The following PDZD2 variants were observed in gnomAD, a reference collection of about 807,000 sequenced individuals.
The protein encoded by PDZD2 is PDZ domain-containing protein 2.
Under a neutral mutation model 220.7 loss-of-function variants are expected in PDZD2, and 90 were observed. The ratio of observed to expected loss-of-function variants is 0.41; its 90% CI spans 0.34 to 0.49. The LOEUF (loss-of-function observed/expected upper bound fraction) is 0.49, where lower values mean the gene tolerates loss of function less well. PDZD2 is among the 20% of genes least tolerant of loss of function. The pLI, the probability that PDZD2 is intolerant of heterozygous loss-of-function variation, is 0.28. For missense variants in PDZD2, 3,174 were observed against 3,608.5 expected (o/e 0.88, Z 3.08); for synonymous variants, 1,375 against 1,450.5 (o/e 0.95, Z 1.18).
At chr5:31,744,757 T>G (rs969118341) in intron 1 of PDZD2, among the ~76,000 whole-genome samples, 3 of 152,164 alleles carry the variant, frequency 2.0e-5, no homozygotes, top group African/African-American at 7.2e-5. Context: ...CTAAAAAGAA[T>G]TTTCCCTCTG....
intron 2 of PDZD2, among the ~76,000 whole-genome samples, chr5:31,924,400 T>C (rs1386167787): frequency 6.6e-6 from 1 of 152,190 alleles, no homozygotes; most frequent in African/African-American, 2.4e-5. Flanking sequence ...GGGGAGAAGC[T>C]TGGAACTTGG....
chr5:31,875,083 G>A (rs7734811), intron 2 of PDZD2, among the ~76,000 whole-genome samples: 1 of 152,034 alleles, frequency 6.6e-6, no homozygotes, highest in African/African-American at 2.4e-5. Context: ...TTTTTATGCT[G>A]CTTATTTTTT....
chr5:32,021,407 A>G (rs62360023), intron 6 of PDZD2, among the ~76,000 whole-genome samples: 112,715 of 151,860 alleles, frequency 0.74, 42,582 homozygotes, highest in Non-Finnish European at 0.82. Context: ...AGCAATTCTC[A>G]TGCCTCAGCC....
rs143340688 is a variant in PDZD2, at chr5:32,016,565, G to T, written c.1407+6083G>T. ...ATGGAGCTCTGCATCTATGGGGAGCGCATGTTCTTCCCCTGAGGCCTTGAG... is the reference window on the plus strand; with the variant it reads ...ATGGAGCTCTGCATCTATGGGGAGCTCATGTTCTTCCCCTGAGGCCTTGAG... On this transcript the variant is annotated intron_variant, in intron 6 of 24. Transcript: ENST00000438447. 3.3e-4 allele frequency among the ~76,000 whole-genome samples: 50 copies of T among 152,152 alleles called. 1 individual carries two copies. The highest frequency in any genetic ancestry group is 2.0e-3 in the Admixed American group (30 of 15,282).
At chr5:31,764,324 A>T (rs192180506) in intron 1 of PDZD2, among the ~76,000 whole-genome samples, 1 of 152,280 alleles carries the variant, frequency 6.6e-6, no homozygotes, top group East Asian at 1.9e-4. Context: ...TTCGTCCTTC[A>T]CGCCCCTTCA....
chr5:32,106,407 T>A (rs768601924), intron 24 of PDZD2: 1 of 152,318 alleles, frequency 6.6e-6, no homozygotes, highest in African/African-American at 2.4e-5. Context: ...TCACCTGCTG[T>A]GCAGCCCTCC....
At chr5:31,643,930 C>T (rs1341177227) in intron 1 of PDZD2, among the ~76,000 whole-genome samples, 1 of 152,048 alleles carries the variant, frequency 6.6e-6, no homozygotes, top group Non-Finnish European at 1.5e-5. Flanking sequence ...GTGATCCTTC[C>T]ACCTCAGCCT....
At chr5:31,648,953 CATTAT>C (rs879678305) in intron 1 of PDZD2, among the ~76,000 whole-genome samples, 4 of 152,122 alleles carry the variant, frequency 2.6e-5, no homozygotes, top group Admixed American at 1.3e-4. Flanking sequence ...ATGTATCCAC[CATTAT>C]ATTATATGAG....
At chr5:31,690,004 C>T (rs774281184) in intron 1 of PDZD2, among the ~76,000 whole-genome samples, 11 of 152,190 alleles carry the variant, frequency 7.2e-5, no homozygotes, top group African/African-American at 1.2e-4. Flanking sequence ...TCATTTGAAA[C>T]GGCGTGTCCT....
intron 2 of PDZD2, among the ~76,000 whole-genome samples, chr5:31,947,597 A>G (rs1429152362): frequency 6.6e-6 from 1 of 152,212 alleles, no homozygotes; most frequent in Non-Finnish European, 1.5e-5. Context: ...CAGTTTGGGA[A>G]GCTGAAGCAG....
intron 6 of PDZD2, among the ~76,000 whole-genome samples, chr5:32,024,363 G>A (rs1018499383): frequency 4.6e-5 from 7 of 152,156 alleles, no homozygotes; most frequent in Admixed American, 6.5e-5. Context: ...TAGATTTGTG[G>A]GTGGAAGACG....
chr5:31,758,076 C>G (rs1241271809), intron 1 of PDZD2, among the ~76,000 whole-genome samples: 1 of 152,264 alleles, frequency 6.6e-6, no homozygotes, highest in Non-Finnish European at 1.5e-5. Context: ...TTGTACGTCT[C>G]GCCTGACAGG....
At chr5:31,885,930 TTA>T (rs200858189) in intron 2 of PDZD2, among the ~76,000 whole-genome samples, 11,675 of 151,988 alleles carry the variant, frequency 0.077, 547 homozygotes, top group African/African-American at 0.12. Context: ...GTTTTTTTTT[TTA>T]AAATAATTTC....
At chr5:31,764,494 T>G (rs1467414082) in intron 1 of PDZD2, among the ~76,000 whole-genome samples, 1 of 152,206 alleles carries the variant, frequency 6.6e-6, no homozygotes, top group African/African-American at 2.4e-5. Flanking sequence ...CCTGCCCTCC[T>G]GTACACATTA....
In PDZD2 at chr5:32,107,969, G is replaced by T; in HGVS notation, c.8354G>T (p.Gly2785Val). The stretch of plus-strand genomic sequence containing the variant: ...AATTATTCTGTGTTTATTCTCGTAG[G>T]TGGTGCGGCTGAACAAGCTGGAATA... ...GPLVIKRVYK[G>V]GAAEQAGIIE... Residue 2785 changes from glycine to valine, a missense_variant and splice_region_variant, in exon 25 of 25, where the codon GGT becomes GTT. Gly to Val is a moderately radical substitution (Grantham distance 109). Around this residue, in one of 4 missense-constraint regions of PDZD2, gnomAD observed 631 missense variants for 789.9 expected, o/e 0.80. Coordinates refer to ENST00000438447, the MANE Select transcript of PDZD2 (RefSeq NM_178140.4). The T allele has an allele frequency of 6.8e-6, 11 of 1,610,422 alleles. No individual in the cohort carries two copies. The highest frequency in any genetic ancestry group is 1.3e-5 in the African/African-American group (1 of 74,962).
chr5:31,766,463 C>T (rs1050829864), intron 1 of PDZD2, among the ~76,000 whole-genome samples: 2 of 152,060 alleles, frequency 1.3e-5, no homozygotes, highest in Admixed American at 1.3e-4. Context: ...CTCACTACAA[C>T]CTTGACCTCT....
chr5:31,893,237 G>A (rs1443355585), intron 2 of PDZD2, among the ~76,000 whole-genome samples: 6 of 152,048 alleles, frequency 3.9e-5, no homozygotes, highest in South Asian at 2.1e-4. Flanking sequence ...CTGTCCCCAC[G>A]TTACTGCTTA....
chr5:31,799,417 G>A lies in PDZD2; in HGVS notation c.169G>A (p.Val57Ile), dbSNP rs1204456575. 1.1e-5 allele frequency: 18 copies of A among 1,614,104 alleles called. No individual in the cohort carries two copies. Among genetic ancestry groups the A allele is most frequent in the Middle Eastern group, 1.6e-4 (1 of 6,084 alleles). The change falls in exon 2 of 25, where the codon GTC (valine) becomes ATC (isoleucine). Residue 57 changes from valine to isoleucine, a missense_variant. Val to Ile is a conservative substitution (Grantham distance 29). Around this residue, in one of 4 missense-constraint regions of PDZD2, gnomAD observed 632 missense variants for 708.1 expected, o/e 0.89. Transcript: ENST00000438447. ...GAACTTTGCTGTGGATGAGAGTACG[G>A]TCCCACCTGATCACAGCCCCCCCGA... Reference protein sequence around the residue: ...QLNFAVDESTVPPDHSPPEME... With the variant: ...QLNFAVDESTIPPDHSPPEME...
At position 31,674,069 on chromosome 5, in the gene PDZD2, G is replaced by T. The variant is rs558920283; in HGVS notation, c.-361+34632G>T. Among the ~76,000 whole-genome samples the T allele has an allele frequency of 5.4e-4, 82 of 152,320 alleles. 1 individual carries two copies. The South Asian group carries it at 0.016, about 30-fold the overall frequency. ...AGAGCCCTCAACAAGAACTGAATCT[G>T]CCTGAGCCTTGATATTGGACTTCCC... On this transcript the variant is annotated intron_variant, in intron 1 of 24. Coordinates refer to ENST00000438447, the MANE Select transcript of PDZD2 (RefSeq NM_178140.4).
Sources: allele counts gnomAD v4.1 joint callset (sites outside exome capture counted in the v4.1 genomes callset), GRCh38; gene constraint gnomAD v4.1.1; regional missense constraint gnomAD v4.1.1; transcripts MANE v1.5; gene names NCBI Gene and HGNC (gene_info 2026-07-23, HGNC 2026-07-21).